MINDY2: variants seen among roughly 807,000 people sequenced by gnomAD.
MINDY2 encodes MINDY lysine 48 deubiquitinase 2, also known as ubiquitin carboxyl-terminal hydrolase MINDY-2.
A neutral mutation model predicts 68.2 loss-of-function variants in MINDY2; 52 were observed. The ratio of observed to expected loss-of-function variants is 0.76; its 90% confidence interval spans 0.61 to 0.96. The LOEUF (loss-of-function observed/expected upper bound fraction) is 0.96, where lower values mean the gene tolerates loss of function less well. Ranked by LOEUF, MINDY2 falls within the 40% of genes least tolerant of loss-of-function variation. The probability of loss-of-function intolerance (pLI) is 0.00; values close to 1 mark genes in which losing one functional copy is unlikely to be tolerated. For missense variants in MINDY2, 881 were observed against 773.4 expected (o/e 1.14, Z -1.65); for synonymous variants, 372 against 303.0 (o/e 1.23, Z -2.36).
chr15:58,822,314 G>A (rs989479351), intron 5 of MINDY2, among the ~76,000 whole-genome samples: 4 of 151,502 alleles, frequency 2.6e-5, no homozygotes, highest in Non-Finnish European at 4.4e-5. Flanking sequence ...GTTTTTCCTA[G>A]AACTCTTTTT....
At chr15:58,833,888 G>A (rs1595764415) in intron 6 of MINDY2, among the ~76,000 whole-genome samples, 5 of 151,962 alleles carry the variant, frequency 3.3e-5, no homozygotes. Flanking sequence ...TATGGGTGTC[G>A]GGCTGCCGGA....
chr15:58,793,472 AAATT>A (rs1902072427), intron 2 of MINDY2, among the ~76,000 whole-genome samples: 1 of 152,120 alleles, frequency 6.6e-6, no homozygotes, highest in African/African-American at 2.4e-5. Context: ...ATAAATAAAT[AAATT>A]TAAAAAATAA....
intron 1 of MINDY2, among the ~76,000 whole-genome samples, chr15:58,776,746 G>C (rs1364613560): frequency 6.6e-6 from 1 of 152,160 alleles, no homozygotes; most frequent in African/African-American, 2.4e-5. Flanking sequence ...GGTAGGCCGT[G>C]TGTGGTGGCT....
chr15:58,833,147 C>T (rs558499221), intron 6 of MINDY2, among the ~76,000 whole-genome samples: 145 of 152,258 alleles, frequency 9.5e-4, no homozygotes, highest in African/African-American at 3.3e-3. Flanking sequence ...TTCAGTAGTA[C>T]AGTAGAATAC....
chr15:58,798,812 A>G (rs534200889), intron 2 of MINDY2, among the ~76,000 whole-genome samples: 9 of 152,292 alleles, frequency 5.9e-5, no homozygotes, highest in African/African-American at 1.9e-4. Context: ...AGGTGTCAAC[A>G]TGTAGTTAGT....
At chr15:58,772,701 C>T (rs1334773527) in intron 1 of MINDY2, among the ~76,000 whole-genome samples, 3 of 151,716 alleles carry the variant, frequency 2.0e-5, no homozygotes, top group Non-Finnish European at 4.4e-5. Context: ...TGTGTAGATA[C>T]TTAAGAGAAT....
intron 4 of MINDY2, among the ~76,000 whole-genome samples, chr15:58,810,939 T>A (rs1567055914): frequency 6.6e-6 from 1 of 152,166 alleles, no homozygotes; most frequent in South Asian, 2.1e-4. Flanking sequence ...GTGTTCAGAT[T>A]TTTTATTGAG....
intron 2 of MINDY2, among the ~76,000 whole-genome samples, chr15:58,795,195 A>AAATT (rs1373178004): frequency 6.6e-6 from 1 of 151,528 alleles, no homozygotes; most frequent in Non-Finnish European, 1.5e-5. Context: ...ATAAATAAAT[A>AAATT]AATAAATCTG....
At chr15:58,786,604 G>A (rs1238766717) in intron 1 of MINDY2, among the ~76,000 whole-genome samples, 5 of 151,882 alleles carry the variant, frequency 3.3e-5, no homozygotes, top group African/African-American at 1.2e-4. Flanking sequence ...CCTTCTTATT[G>A]TGAAATATAA....
At chr15:58,849,398 G>A (rs138588306) in intron 7 of MINDY2, among the ~76,000 whole-genome samples, 40 of 152,048 alleles carry the variant, frequency 2.6e-4, no homozygotes, top group African/African-American at 8.0e-4. Flanking sequence ...TCAGCTACTC[G>A]GGAGACTGAG....
chr15:58,824,039 G>C (rs1276755078), intron 5 of MINDY2, among the ~76,000 whole-genome samples: 1 of 152,198 alleles, frequency 6.6e-6, no homozygotes, highest in Non-Finnish European at 1.5e-5. Flanking sequence ...GATTCAGAAA[G>C]TGGTAACAGA....
At chr15:58,806,888 G>C (rs1431332791) in intron 3 of MINDY2, among the ~76,000 whole-genome samples, 1 of 152,074 alleles carries the variant, frequency 6.6e-6, no homozygotes, top group Non-Finnish European at 1.5e-5. Context: ...TATGTTGTTT[G>C]GGGGGAACAG....
At chr15:58,788,882 T>C (rs1199263935) in intron 2 of MINDY2, among the ~76,000 whole-genome samples, 4 of 152,068 alleles carry the variant, frequency 2.6e-5, no homozygotes, top group African/African-American at 9.7e-5. Flanking sequence ...CGTGGTGTCA[T>C]GCACCTATAG....
At chr15:58,850,016 C>T (rs35536174) in intron 7 of MINDY2, among the ~76,000 whole-genome samples, 10,475 of 152,176 alleles carry the variant, frequency 0.069, 439 homozygotes, top group Admixed American at 0.15. Flanking sequence ...GGATTACAGG[C>T]GTGAGCCACT....
intron 8 of MINDY2, among the ~76,000 whole-genome samples, chr15:58,853,202 C>A (rs2032918686): frequency 6.6e-6 from 1 of 151,866 alleles, no homozygotes; most frequent in Non-Finnish European, 1.5e-5. Flanking sequence ...ATTCACCCAC[C>A]TCGGCCTCCC....
chr15:58,786,393 A>T (rs1283763364), intron 1 of MINDY2, among the ~76,000 whole-genome samples: 2 of 152,218 alleles, frequency 1.3e-5, no homozygotes, highest in Non-Finnish European at 2.9e-5. Context: ...TTTTTCTCCT[A>T]GTCTATAAAT....
intron 6 of MINDY2, among the ~76,000 whole-genome samples, chr15:58,846,430 A>G (rs568786468): frequency 1.3e-5 from 2 of 152,140 alleles, no homozygotes; most frequent in South Asian, 4.1e-4. Context: ...TGTCTCTACT[A>G]AAAATACAAA....
At chr15:58,850,757 TTG>T (rs1375166095) in intron 7 of MINDY2, among the ~76,000 whole-genome samples, 25 of 152,016 alleles carry the variant, frequency 1.6e-4, no homozygotes, top group Non-Finnish European at 4.4e-5. Flanking sequence ...GCTAATTTTT[TTG>T]TGTTTTTTGC....
At chr15:58,803,611 G>A (rs1330091881) in intron 3 of MINDY2, among the ~76,000 whole-genome samples, 1 of 152,072 alleles carries the variant, frequency 6.6e-6, no homozygotes, top group Non-Finnish European at 1.5e-5. Context: ...GAGGCCAGGA[G>A]TTCGAGACCA....
Sources: gnomAD v4.1 joint callset for allele counts (sites outside exome capture counted in the v4.1 genomes callset) on GRCh38, gnomAD v4.1.1 for gene constraint, MANE v1.5 for transcripts, NCBI Gene and HGNC (gene_info 2026-07-23, HGNC 2026-07-21) for gene names.